The following CCR3 variants were observed in gnomAD, a reference collection of about 807,000 sequenced individuals.
CCR3 encodes the protein C-C chemokine receptor type 3.
For synonymous variants in CCR3, 203 were observed against 179.2 expected (o/e 1.13, Z -1.06); for missense variants, 419 against 437.5 (o/e 0.96, Z 0.38).
chr3:46,246,778 T>C (rs1055853806), intron 1 of CCR3, among the ~76,000 whole-genome samples: 2 of 151,954 alleles, frequency 1.3e-5, no homozygotes, highest in South Asian at 4.1e-4. Flanking sequence ...TGTTGAAGTG[T>C]TGGGGTGGCG....
chr3:46,245,394 GGAA>G (rs1186058134), intron 1 of CCR3, among the ~76,000 whole-genome samples: 1 of 148,438 alleles, frequency 6.7e-6, no homozygotes, highest in Non-Finnish European at 1.5e-5. Flanking sequence ...CTCTTCTACA[GGAA>G]GAACTATCGT....
chr3:46,226,522 T>C (rs71327042), intron 2 of CCR3, among the ~76,000 whole-genome samples: 8,348 of 152,270 alleles, frequency 0.055, 322 homozygotes, highest in Middle Eastern at 0.12. Flanking sequence ...TTGACTTTTG[T>C]TTCCTGGTTT....
intron 1 of CCR3, among the ~76,000 whole-genome samples, chr3:46,248,627 C>T (rs925263686): frequency 2.0e-5 from 3 of 152,102 alleles, no homozygotes; most frequent in Admixed American, 6.5e-5. Context: ...TAACAGATGA[C>T]GATGAAATTT....
At chr3:46,211,944 C>A (rs1388180516) in intron 2 of CCR3, among the ~76,000 whole-genome samples, 1 of 152,140 alleles carries the variant, frequency 6.6e-6, no homozygotes, top group Non-Finnish European at 1.5e-5. Context: ...TTGAGTTTGT[C>A]TAGGTCTCTG....
At chr3:46,218,868 C>T (rs907876245) in intron 2 of CCR3, among the ~76,000 whole-genome samples, 3 of 152,084 alleles carry the variant, frequency 2.0e-5, no homozygotes, top group African/African-American at 7.2e-5. Context: ...CCACAGCTAA[C>T]ATTATACTGA....
Position 46,265,691 on chromosome 3 carries a change from T to C in CCR3, c.533T>C (p.Phe178Ser). 6.2e-7 allele frequency: 1 copy of C among 1,614,112 alleles called. No homozygotes were observed. The highest frequency in any genetic ancestry group is 2.2e-5 in the East Asian group (1 of 44,874). Residue 178 changes from phenylalanine to serine, a missense_variant, in exon 2 of 2, where the codon TTT becomes TCT. By Grantham distance (155) the Phe-to-Ser change is radical. Transcript: ENST00000395940. ...EFIFYETEEL[F>S]EETLCSALYP... Reference sequence around the variant, plus strand: ...ATCTTCTATGAGACTGAAGAGTTGTTTGAAGAGACTCTTTGCAGTGCTCTT... The same window carrying C: ...ATCTTCTATGAGACTGAAGAGTTGTCTGAAGAGACTCTTTGCAGTGCTCTT...
chr3:46,229,743 T>C (rs1175141595), intron 2 of CCR3, among the ~76,000 whole-genome samples: 1 of 152,182 alleles, frequency 6.6e-6, no homozygotes, highest in African/African-American at 2.4e-5. Flanking sequence ...CAATAAGTTG[T>C]TTAAAACAAC....
intron 1 of CCR3, among the ~76,000 whole-genome samples, chr3:46,255,600 A>G (rs2125932736): frequency 1.3e-5 from 2 of 152,234 alleles, no homozygotes; most frequent in East Asian, 3.9e-4. Flanking sequence ...ATCCAGTTTC[A>G]TTCTTCTACA....
chr3:46,216,349 C>G (rs903271241), intron 2 of CCR3, among the ~76,000 whole-genome samples: 1 of 152,126 alleles, frequency 6.6e-6, no homozygotes, highest in Admixed American at 6.6e-5. Flanking sequence ...TTGAAGGCAC[C>G]TGTGTCTCTG....
chr3:46,233,823 G>A lies in CCR3; in HGVS notation c.-67-8579G>A, dbSNP rs145190131. Among the ~76,000 whole-genome samples, 410 of 152,306 alleles carry A rather than the reference G, an allele frequency of 2.7e-3. 2 individuals carry two copies. Among genetic ancestry groups the A allele is most frequent in the African/African-American group, 9.3e-3 (386 of 41,568 alleles). ...GGCAACAGGCAACTCTTCTTCAGAC[G>A]GCAGTACCATGCCGGAAAACAGAGC... On this transcript the variant is annotated intron_variant, in intron 2 of 3. Transcript: ENST00000357422.
chr3:46,229,005 T>C (rs115060797), intron 2 of CCR3, among the ~76,000 whole-genome samples: 1,987 of 152,338 alleles, frequency 0.013, 46 homozygotes, highest in African/African-American at 0.045. Context: ...GCTTTTCCTT[T>C]CCTGCTCAGC....
At position 46,265,323 on chromosome 3, in the gene CCR3, G is replaced by A. The variant is rs994170618; in HGVS notation, c.165G>A (p.Val55=). 6 of 1,613,938 alleles carry A rather than the reference G, an allele frequency of 3.7e-6. No individual in the cohort carries two copies. Among genetic ancestry groups the A allele is most frequent in the Non-Finnish European group, 4.2e-6 (5 of 1,180,004 alleles). Residue 55 remains valine, a synonymous_variant, in exon 2 of 2, where the codon GTG becomes GTA. Transcript: ENST00000395940. ...FTVGLLGNVV[V]VMILIKYRRL... is the part of the protein sequence containing the mutation. ...TGGGCCTCTTGGGCAATGTGGTGGTGGTGATGATCCTCATAAAATACAGGA... is the reference window on the plus strand; with the variant it reads ...TGGGCCTCTTGGGCAATGTGGTGGTAGTGATGATCCTCATAAAATACAGGA...
intron 1 of CCR3, among the ~76,000 whole-genome samples, chr3:46,242,982 C>CATATATATATATAT (rs10662192): frequency 2.0e-5 from 2 of 99,326 alleles, no homozygotes; most frequent in African/African-American, 4.6e-5. Context: ...TATATATACA[C>CATATATATATATAT]ATATATATAT....
At chr3:46,243,757 C>T (rs1377906075) in intron 1 of CCR3, among the ~76,000 whole-genome samples, 6 of 152,014 alleles carry the variant, frequency 3.9e-5, no homozygotes. Context: ...GAAATATGAG[C>T]CCTTTGTATG....
chr3:46,218,515 G>A (rs753478192), intron 2 of CCR3, among the ~76,000 whole-genome samples: 1 of 151,938 alleles, frequency 6.6e-6, no homozygotes, highest in South Asian at 2.1e-4. Context: ...ACCAGGAAAT[G>A]ACGTAATGAA....
chr3:46,265,336 A>C lies in CCR3; in HGVS notation c.178A>C (p.Ile60Leu). The C allele has an allele frequency of 1.9e-6, 3 of 1,614,122 alleles. No individual in the cohort carries two copies. Among genetic ancestry groups the C allele is most frequent in the Non-Finnish European group, 2.5e-6 (3 of 1,180,006 alleles). ...LGNVVVVMIL[I>L]KYRRLRIMTN... Reference sequence around the variant, plus strand: ...CAATGTGGTGGTGGTGATGATCCTCATAAAATACAGGAGGCTCCGAATTAT... The same window carrying C: ...CAATGTGGTGGTGGTGATGATCCTCCTAAAATACAGGAGGCTCCGAATTAT... Residue 60 changes from isoleucine (I) to leucine (L), a missense_variant, in exon 2 of 2, where the codon ATA becomes CTA. By Grantham distance (5) the Ile-to-Leu change is conservative. Coordinates refer to ENST00000395940, the MANE Select transcript of CCR3 (RefSeq NM_178329.3).
In CCR3 at chr3:46,234,832, A is replaced by C. The variant is rs547674543; in HGVS notation, c.-67-7570A>C. Among the ~76,000 whole-genome samples, 8 of 152,366 alleles carry C rather than the reference A, an allele frequency of 5.3e-5. 1 individual carries two copies. The South Asian group carries it at 1.7e-3, about 32-fold the overall frequency. Reference sequence around the variant, plus strand: ...CAGCATTTAGCTTGTTTTATGAAGAAATGAAGCTCTTTGGTTGTTTAAATC... The same window carrying C: ...CAGCATTTAGCTTGTTTTATGAAGACATGAAGCTCTTTGGTTGTTTAAATC... On this transcript the variant is annotated intron_variant, in intron 2 of 3. Transcript: ENST00000357422.
chr3:46,257,448 T>TC (rs1553645491), intron 1 of CCR3, among the ~76,000 whole-genome samples: 4 of 133,400 alleles, frequency 3.0e-5, no homozygotes, highest in Non-Finnish European at 6.6e-5. Flanking sequence ...TTTTTTTTTT[T>TC]CTGGGAAAAA....
At position 46,264,474 on chromosome 3, in the gene CCR3, A is replaced by G. The variant is rs1435832717; in HGVS notation, c.-11-674A>G. 3 of 1,496,372 alleles carry G rather than the reference A, an allele frequency of 2.0e-6. No individual in the cohort carries two copies. The South Asian group carries it at 3.7e-5, about 18-fold the overall frequency. The allele number at this position is 1,496,372 out of a possible 1,614,324, so 92.7% of individuals were successfully genotyped here. A position where few individuals can be genotyped will look rare whatever the true frequency, so the allele number is the denominator to read the frequency against. ...TCCTCAAGTCCGTAGCAAATTTTTC[A>G]AAAGTTAAATTTAAAAATCACTACA... On this transcript the variant is annotated intron_variant, in intron 1 of 1. Coordinates refer to ENST00000395940, the MANE Select transcript of CCR3 (RefSeq NM_178329.3).
Sources: allele counts gnomAD v4.1 joint callset (sites outside exome capture counted in the v4.1 genomes callset), GRCh38; gene constraint gnomAD v4.1.1; transcripts MANE v1.5; gene names NCBI Gene and HGNC (gene_info 2026-07-23, HGNC 2026-07-21).